Variants in PLEKHG1 observed in about 807,000 individuals in gnomAD.
PLEKHG1 encodes pleckstrin homology domain-containing family G member 1.
Under a neutral mutation model 100.8 loss-of-function variants are expected in PLEKHG1, and 44 were observed. The observed-to-expected ratio is 0.44, with a 90% CI of 0.34 to 0.56. The LOEUF (loss-of-function observed/expected upper bound fraction) is 0.56, where lower values mean the gene tolerates loss of function less well. PLEKHG1 is among the 20% of genes least tolerant of loss of function. The pLI is 0.01. For synonymous variants in PLEKHG1, 640 were observed against 662.5 expected, an observed-to-expected ratio of 0.97 and a Z score of 0.52; for missense variants, 1,545 against 1,720.9, an observed-to-expected ratio of 0.90 and a Z score of 1.81.
At chr6:150,636,509 T>A (rs1178042017) in intron 1 of PLEKHG1, among the ~76,000 whole-genome samples, 1 of 150,930 alleles carries the variant, frequency 6.6e-6, no homozygotes, top group Non-Finnish European at 1.5e-5. Context: ...TTCACTAGGG[T>A]CTTCTTCTTG....
chr6:150,838,607 G>A (rs1777353876), intron 15 of PLEKHG1, among the ~76,000 whole-genome samples: 1 of 152,104 alleles, frequency 6.6e-6, no homozygotes, highest in African/African-American at 2.4e-5. Context: ...TCATCTCTGG[G>A]CTCCCATCTT....
intron 3 of PLEKHG1, among the ~76,000 whole-genome samples, chr6:150,654,550 C>T (rs1336745557): frequency 1.3e-5 from 2 of 152,178 alleles, no homozygotes; most frequent in Admixed American, 1.3e-4. Flanking sequence ...TTTTGTGGTA[C>T]CTTGGTATTG....
At chr6:150,665,882 AG>A (rs1390468322) in intron 3 of PLEKHG1, among the ~76,000 whole-genome samples, 1 of 152,048 alleles carries the variant, frequency 6.6e-6, no homozygotes, top group Non-Finnish European at 1.5e-5. Flanking sequence ...CTCAGTCATA[AG>A]GGGAAGGCAC....
chr6:150,785,973 T>A (rs1367826306), intron 3 of PLEKHG1, among the ~76,000 whole-genome samples: 2 of 152,054 alleles, frequency 1.3e-5, no homozygotes, highest in African/African-American at 4.8e-5. Flanking sequence ...TCCACGAAAC[T>A]GATCCCTGGT....
At chr6:150,762,446 G>A (rs551527609) in intron 2 of PLEKHG1, among the ~76,000 whole-genome samples, 13 of 151,812 alleles carry the variant, frequency 8.6e-5, no homozygotes, top group African/African-American at 2.4e-4. Context: ...TAACCTGCCT[G>A]CCTCGGCCTC....
chr6:150,697,488 C>T (rs1780594074), intron 3 of PLEKHG1, among the ~76,000 whole-genome samples: 2 of 152,142 alleles, frequency 1.3e-5, no homozygotes, highest in African/African-American at 4.8e-5. Context: ...GGAAGTAAGT[C>T]GGGTGCCTGG....
At position 150,681,248 on chromosome 6, in the gene PLEKHG1, G is replaced by A. The variant is rs1335892845; in HGVS notation, c.-99+30462G>A. On this transcript the variant is annotated intron_variant, in intron 3 of 3. Coordinates refer to the PLEKHG1 transcript ENST00000367326. ...GAAAAGAAAGGATAATAGGCCGGGC[G>A]TGGTGGCTCATGCCTGTAATCCCAG... 6.6e-5 allele frequency among the ~76,000 whole-genome samples: 10 copies of A among 152,252 alleles called. No homozygotes were observed. In the East Asian group the frequency reaches 7.7e-4, roughly 12 times the overall value.
chr6:150,821,088 A>C, intron 12 of PLEKHG1, 107 bp from the exon 14 acceptor site: 1 of 814,844 alleles, frequency 1.2e-6, no homozygotes, highest in Non-Finnish European at 2.1e-6. Flanking sequence ...TACAAAAGTT[A>C]TAGAGCTCTG....
At chr6:150,783,997 A>G (rs1288704578) in intron 3 of PLEKHG1, among the ~76,000 whole-genome samples, 3 of 152,178 alleles carry the variant, frequency 2.0e-5, no homozygotes, top group Non-Finnish European at 4.4e-5. Flanking sequence ...ATCTGTTGTG[A>G]TATCACACGT....
At chr6:150,650,034 A>G (rs189916324) in intron 2 of PLEKHG1, among the ~76,000 whole-genome samples, 12 of 147,636 alleles carry the variant, frequency 8.1e-5, no homozygotes, top group Admixed American at 2.1e-4. Context: ...AAATAAAAAT[A>G]AAGACGAGAG....
intron 3 of PLEKHG1, chr6:150,663,226 A>G (rs1779266099): frequency 6.6e-6 from 1 of 152,204 alleles, no homozygotes; most frequent in Non-Finnish European, 1.5e-5. Flanking sequence ...TTTAAACATT[A>G]AATGTTTACA....
chr6:150,681,267 A>C (rs1779921242), intron 3 of PLEKHG1, among the ~76,000 whole-genome samples: 1 of 151,884 alleles, frequency 6.6e-6, no homozygotes. Flanking sequence ...CATGCCTGTA[A>C]TCCCAGCACT....
chr6:150,712,252 CTCTT>C (rs1781268479), intron 3 of PLEKHG1, among the ~76,000 whole-genome samples: 1 of 152,150 alleles, frequency 6.6e-6, no homozygotes, highest in South Asian at 2.1e-4. Flanking sequence ...CTATTTCCCT[CTCTT>C]TCTGCTTCAA....
At chr6:150,701,946 C>T (rs556727745) in intron 3 of PLEKHG1, among the ~76,000 whole-genome samples, 59 of 152,136 alleles carry the variant, frequency 3.9e-4, no homozygotes, top group Non-Finnish European at 7.5e-4. Flanking sequence ...TCAAATGAGA[C>T]GGTTCCCCTG....
In PLEKHG1 at chr6:150,644,332, G is replaced by GGGTTTTTTTTTTTTTTTTTTTTT. The variant is rs1562404967; in HGVS notation, c.-158+6207_-158+6208insGGTTTTTTTTTTTTTTTTTTTTT. On this transcript the variant is annotated intron_variant, in intron 2 of 3. Transcript: ENST00000367326. ...AAAAGAGAGTGGTTTTTTTCTTTTC[G>GGGTTTTTTTTTTTTTTTTTTTTT]TGTTTTTTTTTTTTTTTTTTGTTAC... is the stretch of plus-strand genomic sequence containing the variant. 1.4e-4 allele frequency among the ~76,000 whole-genome samples: 14 copies of GGGTTTTTTTTTTTTTTTTTTTTT among 96,554 alleles called. 2 individuals carry two copies. Among genetic ancestry groups the GGGTTTTTTTTTTTTTTTTTTTTT allele is most frequent in the South Asian group, 1.0e-3 (3 of 2,942 alleles). 63.3% of individuals were successfully genotyped at this position (96,554 alleles called of 152,430 possible).
intron 3 of PLEKHG1, among the ~76,000 whole-genome samples, chr6:150,676,946 A>G (rs1779776496): frequency 6.6e-6 from 1 of 151,472 alleles, no homozygotes; most frequent in Non-Finnish European, 1.5e-5. Flanking sequence ...GCCCCATCCA[A>G]TCAATTCTCA....
At chr6:150,709,646 A>G (rs980804091) in intron 3 of PLEKHG1, among the ~76,000 whole-genome samples, 1 of 152,214 alleles carries the variant, frequency 6.6e-6, no homozygotes, top group African/African-American at 2.4e-5. Flanking sequence ...CTTGTCCAAG[A>G]AGATAAAATT....
chr6:150,718,755 A>G (rs1282750699), upstream of PLEKHG1, among the ~76,000 whole-genome samples: 1 of 152,118 alleles, frequency 6.6e-6, no homozygotes, highest in East Asian at 1.9e-4. Context: ...GGCGTAAGCC[A>G]CCGCGCCTGG....
chr6:150,715,936 G>A (rs866092614), intron 3 of PLEKHG1, among the ~76,000 whole-genome samples: 2 of 147,762 alleles, frequency 1.4e-5, no homozygotes, highest in African/African-American at 4.9e-5. Context: ...GTGAAACCCC[G>A]TCTCTACTAA....
Sources: gnomAD v4.1 joint callset for allele counts (sites outside exome capture counted in the v4.1 genomes callset) on GRCh38, gnomAD v4.1.1 for gene constraint, MANE v1.5 for transcripts, NCBI Gene and HGNC (gene_info 2026-07-23, HGNC 2026-07-21) for gene names.